Variants in MCM6 observed in about 807,000 individuals in gnomAD.
MCM6 encodes the protein DNA replication licensing factor MCM6.
In MCM6, 46 loss-of-function variants were observed where a neutral mutation model predicts 94.3. That is an observed-to-expected ratio of 0.49 (90% CI 0.39 to 0.62). The LOEUF (loss-of-function observed/expected upper bound fraction) is 0.62, where lower values mean the gene tolerates loss of function less well. Among genes scored for constraint, MCM6 ranks in the 20% least tolerant of loss-of-function variants. The pLI is 0.00. For synonymous variants in MCM6, 335 were observed against 351.9 expected (o/e 0.95, Z 0.54); for missense variants, 865 against 1,017.9 (o/e 0.85, Z 2.04).
intron 15 of MCM6, 73 bp downstream of exon 15, chr2:135,846,164 A>C: frequency 6.9e-7 from 1 of 1,441,266 alleles, no homozygotes; most frequent in Non-Finnish European, 9.6e-7. Context: ...GAAGTTTGGC[A>C]ATCACAAGTG....
intron 12 of MCM6, chr2:135,851,859 T>C (rs1022581119): frequency 4.8e-6 from 1 of 207,468 alleles, no homozygotes. Context: ...CAAGATGTAA[T>C]GTCTTTTACA....
intron 1 of MCM6, among the ~76,000 whole-genome samples, chr2:135,873,272 CAACT>C (rs1221426908): frequency 6.6e-6 from 1 of 152,218 alleles, no homozygotes; most frequent in Non-Finnish European, 1.5e-5. Flanking sequence ...AAAAACCCAA[CAACT>C]AACTCTTCTT....
Position 135,840,052 on chromosome 2 carries a change from A to G in MCM6, c.*783T>C, listed in dbSNP as rs2105567763. ...ACTGTTAGTATCATAAACGGTAATA[A>G]CTTTTCCTGGAAGACCATAAAATTT... On this transcript the variant is annotated 3_prime_UTR_variant, in exon 17 of 17. Coordinates refer to ENST00000264156, the MANE Select transcript of MCM6 (RefSeq NM_005915.6). 6.6e-6 allele frequency: 1 copy of G among 152,274 alleles called. No homozygotes were observed. Among genetic ancestry groups the G allele is most frequent in the East Asian group, 1.9e-4 (1 of 5,186 alleles). 9.4% of individuals were successfully genotyped at this position (152,274 alleles called of 1,614,324 possible).
rs1002890908 is a variant in MCM6 at position 135,863,669 on chromosome 2, G to A, written c.1079-921C>T. ...CGTTTAAGCCCAGGAGGTTGAGGCT[G>A]TAGTAGGCAATGTATGCTGTCACTG... On this transcript the variant is annotated intron_variant, in intron 7 of 16. Coordinates refer to ENST00000264156, the MANE Select transcript of MCM6 (RefSeq NM_005915.6). Among the ~76,000 whole-genome samples, 6 of 152,220 alleles carry A rather than the reference G, an allele frequency of 3.9e-5. No individual in the cohort carries two copies. In the South Asian group the frequency reaches 6.2e-4, roughly 16 times the overall value.
chr2:135,845,737 A>G (rs1281232489), intron 15 of MCM6, among the ~76,000 whole-genome samples: 2 of 152,212 alleles, frequency 1.3e-5, no homozygotes, highest in African/African-American at 4.8e-5. Flanking sequence ...ATAGCATGGT[A>G]AAGCAGTTAA....
rs1184767359 is a variant in MCM6, at chr2:135,876,322, T to A, written c.44A>T (p.His15Leu). 1.2e-6 allele frequency: 2 copies of A among 1,610,590 alleles called. No individual in the cohort carries two copies. Among genetic ancestry groups the A allele is most frequent in the South Asian group, 2.2e-5 (2 of 90,974 alleles). ...GGCCACCTCGTCGCGGACCTCCAGG[T>A]GCTGGCTGCCGGCGCCCGGCTCCGC... ...AAAEPGAGSQHLEVRDEVAEK... is the reference protein window; with the variant it reads ...AAAEPGAGSQLLEVRDEVAEK... Residue 15 changes from histidine (H) to leucine (L), a missense_variant, in exon 1 of 17, where the codon CAC becomes CTC. Around this residue, in one of 3 missense-constraint regions of MCM6, gnomAD observed 404 missense variants for 451.9 expected, o/e 0.89. Transcript: ENST00000264156.
chr2:135,869,447 A>T (rs529412588), intron 3 of MCM6, among the ~76,000 whole-genome samples: 1 of 151,062 alleles, frequency 6.6e-6, no homozygotes, highest in East Asian at 1.9e-4. Flanking sequence ...TTTGTTTTAT[A>T]TGCAAATACT....
chr2:135,848,131 C>T lies in MCM6; in HGVS notation c.1975G>A (p.Val659Met). The part of the protein sequence containing the change: ...FRLLNKSIIR[V>M]ETPDVNLDQE... ...TCTAGATTGACATCAGGTGTTTCCA[C>T]ACGGATGATTGATTTATTCAGTAAC... The change falls in exon 14 of 17, where the codon GTG (valine) becomes ATG (methionine). Residue 659 changes from valine to methionine, a missense_variant. By Grantham distance (21) the Val-to-Met change is conservative. Transcript: ENST00000264156. The T allele has an allele frequency of 6.2e-7, 1 of 1,611,284 alleles. No homozygotes were observed. The highest frequency in any genetic ancestry group is 8.5e-7 in the Non-Finnish European group (1 of 1,177,488).
At position 135,872,912 on chromosome 2, in the gene MCM6, A is replaced by G. The variant is rs1201033384; in HGVS notation, c.108-69T>C. 3 of 1,555,178 alleles carry G rather than the reference A, an allele frequency of 1.9e-6. No homozygotes were observed. The African/African-American group carries it at 4.1e-5, about 21-fold the overall frequency. ...ACAAAGAACCTGAATGATAATTCAGAACATTGGTTAAAGTCCAACAACTAG... is the reference window on the plus strand; with the variant it reads ...ACAAAGAACCTGAATGATAATTCAGGACATTGGTTAAAGTCCAACAACTAG... On this transcript the variant is annotated intron_variant, in intron 1 of 16. Coordinates refer to ENST00000264156, the MANE Select transcript of MCM6 (RefSeq NM_005915.6).
chr2:135,846,397 G>T lies in MCM6; in HGVS notation c.2054-5C>A. 6 of 1,613,734 alleles carry T rather than the reference G, an allele frequency of 3.7e-6. No homozygotes were observed. The highest frequency in any genetic ancestry group is 4.2e-6 in the Non-Finnish European group (5 of 1,179,668). ...GAGCAGGGCTGTCAGCATGACCTAA[G>T]TGAAAAATTGACCACCTGAATCTTA... is the stretch of plus-strand genomic sequence containing the variant. On this transcript the variant is annotated splice_polypyrimidine_tract_variant and splice_region_variant and intron_variant, in intron 14 of 16. Coordinates refer to ENST00000264156, the MANE Select transcript of MCM6 (RefSeq NM_005915.6).
intron 16 of MCM6, among the ~76,000 whole-genome samples, 162 bp downstream of exon 16, chr2:135,844,383 C>T (rs1679633203): frequency 6.6e-6 from 1 of 152,016 alleles, no homozygotes; most frequent in Non-Finnish European, 1.5e-5. Context: ...AAGTCATTTA[C>T]CTGCTGTTCA....
chr2:135,875,837 G>A (rs951599753), intron 1 of MCM6, among the ~76,000 whole-genome samples: 4 of 152,194 alleles, frequency 2.6e-5, no homozygotes, highest in Non-Finnish European at 5.9e-5. Context: ...CCATGCTCCC[G>A]GCTGCGTGGC....
At position 135,848,202 on chromosome 2, in the gene MCM6, G is replaced by T. The variant is rs1260044454; in HGVS notation, c.1918-14C>A. ...TTTAGGTTGGACCTAAACCAATAAT[G>T]ATGAAGTAATTAAGCTACTTTTTTT... is the stretch of plus-strand genomic sequence containing the variant. On this transcript the variant is annotated splice_polypyrimidine_tract_variant and intron_variant, in intron 13 of 16. Coordinates refer to ENST00000264156, the MANE Select transcript of MCM6 (RefSeq NM_005915.6). 6.3e-7 allele frequency: 1 copy of T among 1,586,116 alleles called. No individual in the cohort carries two copies. Among genetic ancestry groups the T allele is most frequent in the Admixed American group, 1.7e-5 (1 of 58,666 alleles).
intron 8 of MCM6, among the ~76,000 whole-genome samples, chr2:135,859,969 A>G (rs1679958814): frequency 6.6e-6 from 1 of 151,718 alleles, no homozygotes; most frequent in Non-Finnish European, 1.5e-5. Context: ...ATGCCCGGCT[A>G]ATTTTTGTAT....
At chr2:135,850,812 A>G (rs1009981697) in intron 13 of MCM6, among the ~76,000 whole-genome samples, 2 of 152,212 alleles carry the variant, frequency 1.3e-5, no homozygotes, top group Non-Finnish European at 1.5e-5. Flanking sequence ...TTTATAAATT[A>G]TACCTCAGTC....
intron 11 of MCM6, among the ~76,000 whole-genome samples, chr2:135,854,013 G>A (rs1409376942): frequency 1.3e-5 from 2 of 152,154 alleles, no homozygotes. Context: ...GATAGCTTGA[G>A]CTCAGGAGTT....
intron 16 of MCM6, among the ~76,000 whole-genome samples, chr2:135,843,042 C>T (rs1246142038): frequency 1.3e-5 from 2 of 152,160 alleles, no homozygotes; most frequent in African/African-American, 4.8e-5. Flanking sequence ...CAGTCCATGC[C>T]TGGTGGCTTG....
rs544116850 is a variant in MCM6, at chr2:135,852,927, C to CA, written c.1627-13dup. 12 of 1,578,016 alleles carry CA rather than the reference C, an allele frequency of 7.6e-6. No individual in the cohort carries two copies. Among genetic ancestry groups the CA allele is most frequent in the Admixed American group, 3.9e-5 (2 of 51,460 alleles). ...GCATAATCTGTAACCTAATTCAAAA[C>CA]AAAAAAATCACTTTGATAGTCACAG... On this transcript the variant is annotated splice_polypyrimidine_tract_variant and intron_variant, in intron 11 of 16. Transcript: ENST00000264156.
intron 6 of MCM6, 79 bp from the exon 7 acceptor site, chr2:135,865,242 A>T: frequency 9.1e-7 from 1 of 1,097,394 alleles, no homozygotes; most frequent in Middle Eastern, 2.2e-4. Context: ...CTTCATTACA[A>T]ACACAACATA....
Sources: allele counts gnomAD v4.1 joint callset (sites outside exome capture counted in the v4.1 genomes callset), GRCh38; gene constraint gnomAD v4.1.1; regional missense constraint gnomAD v4.1.1; transcripts MANE v1.5; gene names NCBI Gene and HGNC (gene_info 2026-07-23, HGNC 2026-07-21).